Variants in C18orf54 observed in about 807,000 individuals in gnomAD.
The protein encoded by C18orf54 is lung adenoma susceptibility protein 2.
In C18orf54, 49 loss-of-function variants were observed where a neutral mutation model predicts 49.3. That is an observed-to-expected ratio of 0.99 (90% CI 0.79 to 1.26). The LOEUF is 1.26. Ranked by LOEUF, C18orf54 falls within the 50% of genes most tolerant of loss-of-function variation. C18orf54 has a pLI of 0.00. For synonymous variants in C18orf54, 211 were observed against 216.6 expected, an observed-to-expected ratio of 0.97 and a Z score of 0.23; for missense variants, 687 against 620.6, an observed-to-expected ratio of 1.11 and a Z score of -1.14.
At chr18:54,368,464 G>A (rs1057241089) in intron 6 of C18orf54, among the ~76,000 whole-genome samples, 2 of 152,000 alleles carry the variant, frequency 1.3e-5, no homozygotes, top group Non-Finnish European at 2.9e-5. Context: ...ATGAGGTTAT[G>A]CATTTTTGGC....
intron 7 of C18orf54, 119 bp from the exon 8 acceptor site, chr18:54,374,095 T>C: frequency 2.2e-6 from 2 of 907,650 alleles, no homozygotes; most frequent in Non-Finnish European, 3.1e-6. Context: ...TCTTGAAAAT[T>C]AGAATTGTTT....
intron 1 of C18orf54, chr18:54,358,555 G>A (rs1033500256): frequency 1.3e-5 from 2 of 152,276 alleles, no homozygotes; most frequent in Non-Finnish European, 2.9e-5. Flanking sequence ...GGAAAAATTG[G>A]AATTCAGGGC....
At chr18:54,376,724 A>G (rs1029501097) in intron 8 of C18orf54, among the ~76,000 whole-genome samples, 1 of 152,232 alleles carries the variant, frequency 6.6e-6, no homozygotes, top group African/African-American at 2.4e-5. Context: ...GGAATCTCAG[A>G]AATTAACTGA....
At chr18:54,361,616 T>C (rs1352346500) in intron 3 of C18orf54, 27 bp from the exon 4 acceptor site, 1 of 1,534,448 alleles carries the variant, frequency 6.5e-7, no homozygotes, top group East Asian at 2.3e-5. Context: ...TTGTATGTAA[T>C]AAACAAAACT....
rs1380449432 is a variant in C18orf54 at position 54,378,673 on chromosome 18, A to G, written c.*427A>G. On this transcript the variant is annotated 3_prime_UTR_variant, in exon 9 of 9. Transcript: ENST00000620105. The stretch of plus-strand genomic sequence containing the variant: ...AATAGACTTTTTTAAAGATATAGTT[A>G]GCATCACTTTTAAACAGCTTAAAGG... 6.5e-6 allele frequency: 1 copy of G among 153,400 alleles called. No homozygotes were observed. Among genetic ancestry groups the G allele is most frequent in the East Asian group, 1.9e-4 (1 of 5,256 alleles). The allele number at this position is 153,400 out of a possible 1,614,324, so 9.5% of individuals were successfully genotyped here.
chr18:54,375,521 T>C (rs2089555841), intron 8 of C18orf54, among the ~76,000 whole-genome samples: 1 of 150,326 alleles, frequency 6.7e-6, no homozygotes, highest in African/African-American at 2.4e-5. Flanking sequence ...AAGTTTTCCA[T>C]TGCTCTTTAA....
In C18orf54 at chr18:54,358,708, TC is replaced by T. The variant is rs552815274; in HGVS notation, c.-143-65del. 213 of 152,402 alleles carry T rather than the reference TC, an allele frequency of 1.4e-3. 1 individual carries two copies. The highest frequency in any genetic ancestry group is 5.0e-3 in the African/African-American group (206 of 41,588). 9.4% of individuals were successfully genotyped at this position (152,402 alleles called of 1,614,324 possible). A position where few individuals can be genotyped will look rare whatever the true frequency, so the allele number is the denominator to read the frequency against. On this transcript the variant is annotated intron_variant, in intron 1 of 8. Coordinates refer to ENST00000620105, the MANE Select transcript of C18orf54 (RefSeq NM_001288980.2). ...TCACAGAGCTATTTCCAAGAGTTGT[TC>T]TTAATTTCCTGTGCGATATTCCCAT... is the stretch of plus-strand genomic sequence containing the variant.
At chr18:54,361,364 A>G (rs1294419990) in intron 3 of C18orf54, among the ~76,000 whole-genome samples, 2 of 152,178 alleles carry the variant, frequency 1.3e-5, no homozygotes, top group Non-Finnish European at 2.9e-5. Context: ...AGTGTATCAG[A>G]TATGTCTAGA....
intron 8 of C18orf54, among the ~76,000 whole-genome samples, chr18:54,377,386 CTG>C (rs540095590): frequency 1.3e-3 from 205 of 152,270 alleles, no homozygotes; most frequent in Non-Finnish European, 2.5e-3. Flanking sequence ...TATTGTCACT[CTG>C]TTTTTCCTTA....
At chr18:54,366,556 A>G (rs761565356) in intron 6 of C18orf54, among the ~76,000 whole-genome samples, 104 of 152,190 alleles carry the variant, frequency 6.8e-4, no homozygotes, top group Non-Finnish European at 1.4e-3. Flanking sequence ...GGTTGAGTCT[A>G]TATCTTGACT....
Position 54,372,293 on chromosome 18 carries a change from C to T in C18orf54, c.1327-173C>T, listed in dbSNP as rs554555629. Among the ~76,000 whole-genome samples the T allele has an allele frequency of 1.3e-3, 193 of 151,970 alleles. 1 individual carries two copies. Among genetic ancestry groups the T allele is most frequent in the Non-Finnish European group, 1.9e-3 (131 of 67,856 alleles). The stretch of plus-strand genomic sequence containing the variant: ...TGTCTTTAAGTAACTTCACCTGGGG[C>T]CTGGGGATGGGGAAGTGGTGAGTTA... On this transcript the variant is annotated intron_variant, in intron 6 of 8. Coordinates refer to ENST00000620105, the MANE Select transcript of C18orf54 (RefSeq NM_001288980.2).
At position 54,379,345 on chromosome 18, in the gene C18orf54, C is replaced by G. The variant is rs946989752; in HGVS notation, c.*1099C>G. 2 of 152,044 alleles carry G rather than the reference C, an allele frequency of 1.3e-5. No homozygotes were observed. Among genetic ancestry groups the G allele is most frequent in the African/African-American group, 2.4e-5 (1 of 41,414 alleles). The allele number at this position is 152,044 out of a possible 1,614,324, so 9.4% of individuals were successfully genotyped here. ...TATGTATAACTACTACAGGTTAACA[C>G]TTCACCCAAATGATAGCGTTTTTCC... is the stretch of plus-strand genomic sequence containing the variant. On this transcript the variant is annotated 3_prime_UTR_variant, in exon 9 of 9. Coordinates refer to ENST00000620105, the MANE Select transcript of C18orf54 (RefSeq NM_001288980.2).
chr18:54,364,409 C>T (rs539489812), intron 5 of C18orf54, among the ~76,000 whole-genome samples: 103 of 152,134 alleles, frequency 6.8e-4, no homozygotes, highest in South Asian at 1.0e-3. Flanking sequence ...TAGTTTGGCT[C>T]AGTACCTTGC....
rs2089628824 is a variant in C18orf54, at chr18:54,379,372, C to T, written c.*1126C>T. On this transcript the variant is annotated 3_prime_UTR_variant, in exon 9 of 9. Transcript: ENST00000620105. ...TCACCCAAATGATAGCGTTTTTCCT[C>T]AGTAGATTATTGTCAAATAGGAATT... 6.6e-6 allele frequency: 1 copy of T among 151,984 alleles called. No homozygotes were observed. The highest frequency in any genetic ancestry group is 2.4e-5 in the African/African-American group (1 of 41,392). 9.4% of individuals were successfully genotyped at this position (151,984 alleles called of 1,614,324 possible). A position where few individuals can be genotyped will look rare whatever the true frequency, so the allele number is the denominator to read the frequency against.
intron 2 of C18orf54, among the ~76,000 whole-genome samples, chr18:54,359,458 C>G (rs1017591265): frequency 1.9e-4 from 29 of 152,302 alleles, no homozygotes; most frequent in Non-Finnish European, 4.4e-5. Flanking sequence ...ATTGCATGCT[C>G]TAACGCTGTG....
chr18:54,362,156 A>G lies in C18orf54; in HGVS notation c.797A>G (p.His266Arg), dbSNP rs2089284370. The G allele has an allele frequency of 6.5e-7, 1 of 1,536,164 alleles. No individual in the cohort carries two copies. The highest frequency in any genetic ancestry group is 1.2e-5 in the South Asian group (1 of 84,064). Residue 266 changes from histidine to arginine, a missense_variant, in exon 4 of 9, where the codon CAC becomes CGC. Transcript: ENST00000620105. ...IPDFKYPVWL[H>R]NQDLLPDANS... ...GATTTCAAATACCCAGTCTGGCTGC[A>G]CAATCAAGACTTGCTACCTGATGCA...
In C18orf54 at chr18:54,361,759, G is replaced by C. The variant is rs1169379482; in HGVS notation, c.400G>C (p.Asp134His). Residue 134 changes from aspartate to histidine, a missense_variant, in exon 4 of 9, where the codon GAT (aspartate) becomes CAT (histidine). Coordinates refer to ENST00000620105, the MANE Select transcript of C18orf54 (RefSeq NM_001288980.2). ...TGATGATCTATTAAGACTCCCAGCA[G>C]ATGGATCATTTTCTTATACTTATGT... Reference protein sequence around the residue: ...TTDDLLRLPADGSFSYTYVGP... With the variant: ...TTDDLLRLPAHGSFSYTYVGP... 6.2e-7 allele frequency: 1 copy of C among 1,613,926 alleles called. No homozygotes were observed. Among genetic ancestry groups the C allele is most frequent in the African/African-American group, 1.3e-5 (1 of 74,886 alleles).
At position 54,362,863 on chromosome 18, in the gene C18orf54, C is replaced by T; in HGVS notation, c.1165C>T (p.Pro389Ser). ...LPKSMKKDDS[P>S]CSLDKLEADR... is the part of the protein sequence containing the mutation. ...AAAGTCCATGAAAAAGGATGACAGTCCTTGCTCATTAGATAAACTTGAAGC... is the reference window on the plus strand; with the variant it reads ...AAAGTCCATGAAAAAGGATGACAGTTCTTGCTCATTAGATAAACTTGAAGC... Residue 389 changes from proline to serine, a missense_variant, in exon 5 of 9, where the codon CCT becomes TCT. Coordinates refer to ENST00000620105, the MANE Select transcript of C18orf54 (RefSeq NM_001288980.2). The T allele has an allele frequency of 1.2e-6, 2 of 1,612,296 alleles. No homozygotes were observed. The highest frequency in any genetic ancestry group is 1.7e-6 in the Non-Finnish European group (2 of 1,179,596).
At position 54,370,393 on chromosome 18, in the gene C18orf54, A is replaced by G. The variant is rs961843585; in HGVS notation, c.1327-2073A>G. On this transcript the variant is annotated intron_variant, in intron 6 of 8. Coordinates refer to ENST00000620105, the MANE Select transcript of C18orf54 (RefSeq NM_001288980.2). ...TTAAAGTCTACAGGAAGATATGCAT[A>G]GGTTATATGCAAATACTGTGCCATT... Among the ~76,000 whole-genome samples the G allele has an allele frequency of 3.3e-5, 5 of 152,316 alleles. No homozygotes were observed. The East Asian group carries it at 7.7e-4, about 23-fold the overall frequency.
Sources: allele counts gnomAD v4.1 joint callset (sites outside exome capture counted in the v4.1 genomes callset), GRCh38; gene constraint gnomAD v4.1.1; transcripts MANE v1.5; gene names NCBI Gene and HGNC (gene_info 2026-07-23, HGNC 2026-07-21).